Variants in SGMS1 observed in about 807,000 individuals in gnomAD.
SGMS1 encodes phosphatidylcholine:ceramide cholinephosphotransferase 1.
SGMS1 carries 13 observed loss-of-function variants against 46.2 expected under a neutral mutation model. The observed-to-expected ratio is 0.28, with a 90% CI of 0.18 to 0.45. SGMS1 has a LOEUF of 0.45. Among genes scored for constraint, SGMS1 ranks in the 20% least tolerant of loss-of-function variants. The probability of loss-of-function intolerance (pLI) is 1.00; values close to 1 mark genes in which losing one functional copy is unlikely to be tolerated. For missense variants in SGMS1, 324 were observed against 519.9 expected (o/e 0.62, Z 3.66); for synonymous variants, 203 against 187.8 (o/e 1.08, Z -0.66).
intron 2 of SGMS1, among the ~76,000 whole-genome samples, chr10:50,562,316 A>C (rs1482226689): frequency 6.7e-6 from 1 of 149,010 alleles, no homozygotes; most frequent in Non-Finnish European, 1.5e-5. Flanking sequence ...AGGAATTTAC[A>C]TTTCTGACAA....
chr10:50,380,695 C>T (rs1848589838), intron 6 of SGMS1, among the ~76,000 whole-genome samples: 1 of 152,184 alleles, frequency 6.6e-6, no homozygotes, highest in African/African-American at 2.4e-5. Context: ...CCAAATATTA[C>T]TTGTACACCA....
chr10:50,505,986 A>G (rs1443341919), intron 3 of SGMS1, among the ~76,000 whole-genome samples: 2 of 152,088 alleles, frequency 1.3e-5, no homozygotes, highest in African/African-American at 4.8e-5. Flanking sequence ...TCAGGCCTGA[A>G]ACTGAGCTGT....
chr10:50,518,421 A>T (rs1837828198), intron 3 of SGMS1, among the ~76,000 whole-genome samples: 1 of 152,112 alleles, frequency 6.6e-6, no homozygotes, highest in East Asian at 1.9e-4. Context: ...AAATGTTTTT[A>T]GTTTGTTTGT....
At chr10:50,444,152 T>C (rs1030602544) in intron 5 of SGMS1, among the ~76,000 whole-genome samples, 2 of 152,120 alleles carry the variant, frequency 1.3e-5, no homozygotes, top group African/African-American at 4.8e-5. Flanking sequence ...ACAGTAAATG[T>C]AAATAGACTA....
intron 3 of SGMS1, among the ~76,000 whole-genome samples, chr10:50,503,963 G>A (rs1259116928): frequency 1.3e-5 from 2 of 152,234 alleles, no homozygotes; most frequent in African/African-American, 4.8e-5. Flanking sequence ...GGCTAGCTGA[G>A]TGATTTACGC....
intron 6 of SGMS1, among the ~76,000 whole-genome samples, chr10:50,432,327 T>G (rs1475163345): frequency 6.6e-6 from 1 of 152,216 alleles, no homozygotes; most frequent in African/African-American, 2.4e-5. Flanking sequence ...CACTTCCTAT[T>G]ATTTTACTGT....
chr10:50,335,826 A>G (rs1264758619), intron 7 of SGMS1: 1 of 152,214 alleles, frequency 6.6e-6, no homozygotes, highest in Non-Finnish European at 1.5e-5. Context: ...CCCAAATATG[A>G]GCATCATTTA....
At chr10:50,507,855 C>T (rs1884572) in intron 3 of SGMS1, among the ~76,000 whole-genome samples, 32,267 of 152,108 alleles carry the variant, frequency 0.21, 3,552 homozygotes, top group Admixed American at 0.27. Context: ...GCCCCAATAC[C>T]CTAATACCCT....
chr10:50,414,637 A>G (rs1849144627), intron 6 of SGMS1, among the ~76,000 whole-genome samples: 1 of 152,208 alleles, frequency 6.6e-6, no homozygotes, highest in Non-Finnish European at 1.5e-5. Flanking sequence ...TATTATTTGT[A>G]TTTTATGAAT....
intron 5 of SGMS1, among the ~76,000 whole-genome samples, chr10:50,439,033 A>C (rs1365633948): frequency 6.6e-6 from 1 of 152,196 alleles, no homozygotes; most frequent in Non-Finnish European, 1.5e-5. Flanking sequence ...CAATAATTTA[A>C]ACAAAGGAAT....
At chr10:50,462,223 G>A (rs1176022077) in intron 4 of SGMS1, among the ~76,000 whole-genome samples, 2 of 152,108 alleles carry the variant, frequency 1.3e-5, no homozygotes, top group Non-Finnish European at 2.9e-5. Flanking sequence ...TTGTGTCACT[G>A]CACTCCAGCC....
At chr10:50,458,340 T>TC (rs1491289048) in intron 5 of SGMS1, among the ~76,000 whole-genome samples, 1 of 10,850 alleles carries the variant, frequency 9.2e-5, no homozygotes, top group African/African-American at 3.5e-4. Flanking sequence ...TCTTTTTCTC[T>TC]TTTTTTTTTT....
chr10:50,512,545 C>A (rs1432648865), intron 3 of SGMS1, among the ~76,000 whole-genome samples: 1 of 152,132 alleles, frequency 6.6e-6, no homozygotes, highest in Non-Finnish European at 1.5e-5. Context: ...GTGCACAAGG[C>A]AATGACCTGG....
chr10:50,611,980 CTGA>C (rs1838754348), intron 1 of SGMS1, among the ~76,000 whole-genome samples: 1 of 152,222 alleles, frequency 6.6e-6, no homozygotes, highest in Non-Finnish European at 1.5e-5. Context: ...CCTCCCAGTC[CTGA>C]TTTCTCCTGC....
intron 1 of SGMS1, among the ~76,000 whole-genome samples, chr10:50,614,041 T>C (rs1838774220): frequency 6.6e-6 from 1 of 152,086 alleles, no homozygotes; most frequent in South Asian, 2.1e-4. Flanking sequence ...AGGTTATGTA[T>C]CTCAATATAC....
intron 1 of SGMS1, among the ~76,000 whole-genome samples, chr10:50,616,213 C>T (rs1298212481): frequency 6.6e-6 from 1 of 152,098 alleles, no homozygotes; most frequent in Non-Finnish European, 1.5e-5. Flanking sequence ...CCTCCAGGCT[C>T]GAACAAGCCT....
chr10:50,335,389 G>C (rs1847699441), intron 7 of SGMS1: 1 of 152,250 alleles, frequency 6.6e-6, no homozygotes, highest in African/African-American at 2.4e-5. Context: ...CAAGTACTCT[G>C]TCAAGTGCTT....
chr10:50,567,328 C>T (rs958368389), intron 2 of SGMS1, among the ~76,000 whole-genome samples: 1 of 152,128 alleles, frequency 6.6e-6, no homozygotes, highest in Non-Finnish European at 1.5e-5. Flanking sequence ...TGGTTGAATC[C>T]TCAGATGTGG....
intron 6 of SGMS1, among the ~76,000 whole-genome samples, chr10:50,371,934 T>A (rs972723414): frequency 6.6e-6 from 1 of 152,196 alleles, no homozygotes; most frequent in African/African-American, 2.4e-5. Flanking sequence ...GCCCTCCTGT[T>A]TGAACCACTT....
Sources: gnomAD v4.1 joint callset for allele counts (sites outside exome capture counted in the v4.1 genomes callset) on GRCh38, gnomAD v4.1.1 for gene constraint, MANE v1.5 for transcripts, NCBI Gene and HGNC (gene_info 2026-07-23, HGNC 2026-07-21) for gene names.